MYOCD: variants seen among roughly 807,000 people sequenced by gnomAD.
The protein encoded by MYOCD is myocardin.
Under a neutral mutation model 96.1 loss-of-function variants are expected in MYOCD, and 32 were observed. The observed-to-expected ratio is 0.33, with a 90% confidence interval of 0.25 to 0.45. The LOEUF (loss-of-function observed/expected upper bound fraction) is 0.45, where lower values mean the gene tolerates loss of function less well. Ranked by LOEUF, MYOCD falls within the 20% of genes least tolerant of loss-of-function variation. The probability of loss-of-function intolerance (pLI) is 1.00; values close to 1 mark genes in which losing one functional copy is unlikely to be tolerated. For synonymous variants in MYOCD, 469 were observed against 469.0 expected, an observed-to-expected ratio of 1.00 and a Z score of 0.00; for missense variants, 1,133 against 1,200.6, an observed-to-expected ratio of 0.94 and a Z score of 0.83.
rs1385569967 is a variant in MYOCD, at chr17:12,765,827, C to T, written c.*2183C>T. 1 of 152,096 alleles carries T rather than the reference C, an allele frequency of 6.6e-6. No individual in the cohort carries two copies. The highest frequency in any genetic ancestry group is 1.5e-5 in the Non-Finnish European group (1 of 68,026). The allele number at this position is 152,096 out of a possible 1,614,324, so 9.4% of individuals were successfully genotyped here. On this transcript the variant is annotated 3_prime_UTR_variant, in exon 14 of 14. Coordinates refer to ENST00000425538, the MANE Select transcript of MYOCD (RefSeq NM_001146312.3). ...GATGTGAAAAGACAGAACAGCTTCA[C>T]CATTAGTAGCTGGAAATGGTATCAC... is the stretch of plus-strand genomic sequence containing the variant.
chr17:12,758,697 C>T (rs1333977663), intron 12 of MYOCD, among the ~76,000 whole-genome samples: 1 of 152,166 alleles, frequency 6.6e-6, no homozygotes, highest in Non-Finnish European at 1.5e-5. Context: ...CAAGGAGGTT[C>T]ACTGTATCCT....
chr17:12,675,786 G>A (rs1909992464), intron 1 of MYOCD, among the ~76,000 whole-genome samples: 1 of 152,214 alleles, frequency 6.6e-6, no homozygotes, highest in African/African-American at 2.4e-5. Context: ...TTGAACCCAG[G>A]AGGCGGAGGT....
chr17:12,688,401 G>A (rs1410118231), intron 1 of MYOCD, among the ~76,000 whole-genome samples: 3 of 152,178 alleles, frequency 2.0e-5, no homozygotes, highest in African/African-American at 4.8e-5. Flanking sequence ...ACAGCAAATC[G>A]TTTATGTAAA....
intron 5 of MYOCD, among the ~76,000 whole-genome samples, chr17:12,729,597 A>G (rs1158480311): frequency 6.7e-6 from 1 of 150,110 alleles, no homozygotes; most frequent in South Asian, 2.1e-4. Context: ...TTTTTTTGAG[A>G]TGGAGTTTTT....
At chr17:12,743,992 C>T (rs187068142) in intron 7 of MYOCD, among the ~76,000 whole-genome samples, 191 bp from the exon 8 acceptor site, 175 of 152,332 alleles carry the variant, frequency 1.1e-3, no homozygotes, top group Middle Eastern at 0.01. Flanking sequence ...CAGTGTGATA[C>T]ATTTGCAATG....
At chr17:12,734,449 C>T (rs1228202214) in intron 5 of MYOCD, among the ~76,000 whole-genome samples, 2 of 151,758 alleles carry the variant, frequency 1.3e-5, no homozygotes, top group Non-Finnish European at 2.9e-5. Flanking sequence ...CCCTAACCCC[C>T]ATCCACCCAC....
intron 1 of MYOCD, among the ~76,000 whole-genome samples, chr17:12,684,271 G>A (rs141892132): frequency 1.6e-3 from 236 of 152,098 alleles, no homozygotes; most frequent in African/African-American, 5.4e-3. Flanking sequence ...TCTTCCCATC[G>A]TCTGAGCATC....
rs147133441 is a variant in MYOCD at position 12,751,171 on chromosome 17, C to T, written c.1126-1243C>T. ...ATATGTTTCCTGTTTTAATTACAAA[C>T]GTAATACGTTTATGTGGCATATTTA... On this transcript the variant is annotated intron_variant, in intron 9 of 13. Transcript: ENST00000425538. Among the ~76,000 whole-genome samples the T allele has an allele frequency of 6.6e-4, 101 of 151,912 alleles. No homozygotes were observed. In the East Asian group the frequency reaches 0.01, roughly 16 times the overall value.
At chr17:12,711,254 T>G (rs2031473429) in intron 2 of MYOCD, among the ~76,000 whole-genome samples, 1 of 152,138 alleles carries the variant, frequency 6.6e-6, no homozygotes, top group African/African-American at 2.4e-5. Context: ...CAAACATGAA[T>G]AGGCCCATTT....
chr17:12,719,190 A>G lies in MYOCD; in HGVS notation c.253+1769A>G, dbSNP rs891880687. On this transcript the variant is annotated intron_variant, in intron 4 of 13. Transcript: ENST00000425538. ...ACTCTGTCTCAAAAAAAAAAAAAAA[A>G]AAAAAAAAAAAAAAGACATACAGAC... is the stretch of plus-strand genomic sequence containing the variant. Among the ~76,000 whole-genome samples, 4 of 149,718 alleles carry G rather than the reference A, an allele frequency of 2.7e-5. No individual in the cohort carries two copies. In the East Asian group the frequency reaches 5.9e-4, roughly 22 times the overall value.
At position 12,691,661 on chromosome 17, in the gene MYOCD, C is replaced by T. The variant is rs148710874; in HGVS notation, c.56-13467C>T. Reference sequence around the variant, plus strand: ...TTTAAAAAGACATGCCCTTCACCCTCGCACCAAATGGAAGAAATACATTAA... The same window carrying T: ...TTTAAAAAGACATGCCCTTCACCCTTGCACCAAATGGAAGAAATACATTAA... On this transcript the variant is annotated intron_variant, in intron 1 of 13. Transcript: ENST00000425538. Among the ~76,000 whole-genome samples, 7 of 152,252 alleles carry T rather than the reference C, an allele frequency of 4.6e-5. No homozygotes were observed. The East Asian group carries it at 1.4e-3, about 29-fold the overall frequency.
rs960457765 is a variant in MYOCD at position 12,765,014 on chromosome 17, T to C, written c.*1370T>C. ...TCTGGGGAAATTGGAAATCATTACATTGTAAAGACAAATATGGATGATATT... is the reference window on the plus strand; with the variant it reads ...TCTGGGGAAATTGGAAATCATTACACTGTAAAGACAAATATGGATGATATT... On this transcript the variant is annotated 3_prime_UTR_variant, in exon 14 of 14. Transcript: ENST00000425538. The C allele has an allele frequency of 1.3e-5, 2 of 152,198 alleles. No individual in the cohort carries two copies. The highest frequency in any genetic ancestry group is 4.8e-5 in the African/African-American group (2 of 41,448). 9.4% of individuals were successfully genotyped at this position (152,198 alleles called of 1,614,324 possible). A position where few individuals can be genotyped will look rare whatever the true frequency, so the allele number is the denominator to read the frequency against.
intron 4 of MYOCD, 141 bp downstream of exon 4, chr17:12,717,562 C>G (rs1440307654): frequency 7.3e-6 from 5 of 685,554 alleles, no homozygotes; most frequent in Non-Finnish European, 1.2e-5. Flanking sequence ...AAGTAATCAT[C>G]TAAGCCTTCT....
Position 12,752,618 on chromosome 17 carries a change from A to G in MYOCD, c.1330A>G (p.Asn444Asp). Residue 444 changes from asparagine (N) to aspartate (D), a missense_variant, in exon 10 of 14, where the codon AAC becomes GAC. Asn to Asp is a conservative substitution (Grantham distance 23). Transcript: ENST00000425538. ...QSSSSTSALS[N>D]GFYHFGSTSS... ...TTCCTCTTCTACCAGTGCCCTGTCC[A>G]ACGGCTTCTACCACTTTGGCAGCAC... The G allele has an allele frequency of 6.2e-7, 1 of 1,614,064 alleles. No homozygotes were observed. Among genetic ancestry groups the G allele is most frequent in the Non-Finnish European group, 8.5e-7 (1 of 1,180,010 alleles).
chr17:12,668,283 A>ACT (rs143417414), intron 1 of MYOCD, among the ~76,000 whole-genome samples: 5,661 of 152,234 alleles, frequency 0.037, 363 homozygotes, highest in African/African-American at 0.13. Flanking sequence ...TTCAAAAGCA[A>ACT]CTCAAACAGT....
At chr17:12,706,640 G>A (rs561022723) in intron 2 of MYOCD, among the ~76,000 whole-genome samples, 73 of 152,196 alleles carry the variant, frequency 4.8e-4, no homozygotes, top group Non-Finnish European at 7.8e-4. Context: ...GGAGGGATAC[G>A]GGGTTAAATC....
intron 2 of MYOCD, chr17:12,705,847 T>C (rs778832309): frequency 6.6e-6 from 1 of 152,188 alleles, no homozygotes; most frequent in Non-Finnish European, 1.5e-5. Flanking sequence ...TCTAACTTCC[T>C]CTCCAACAAA....
intron 11 of MYOCD, 134 bp downstream of exon 11, chr17:12,756,691 ATCTC>A: frequency 4.7e-6 from 2 of 423,826 alleles, no homozygotes; most frequent in Non-Finnish European, 3.9e-6. Context: ...GCGAGACTGC[ATCTC>A]AAAAAAAAAA....
intron 1 of MYOCD, among the ~76,000 whole-genome samples, chr17:12,670,638 T>A (rs1306652398): frequency 2.0e-5 from 3 of 152,222 alleles, no homozygotes; most frequent in African/African-American, 7.2e-5. Context: ...ATATGTAATA[T>A]TTATGTATGT....
Sources: gnomAD v4.1 joint callset for allele counts (sites outside exome capture counted in the v4.1 genomes callset) on GRCh38, gnomAD v4.1.1 for gene constraint, MANE v1.5 for transcripts, NCBI Gene and HGNC (gene_info 2026-07-23, HGNC 2026-07-21) for gene names.